The following ARHGEF10 variants were observed in gnomAD, a reference collection of about 807,000 sequenced individuals.
ARHGEF10 encodes the protein Rho guanine nucleotide exchange factor (GEF) 10.
ARHGEF10 carries 140 observed loss-of-function variants against 147.4 expected under a neutral mutation model. That is an observed-to-expected ratio of 0.95 (90% CI 0.83 to 1.09). The LOEUF (loss-of-function observed/expected upper bound fraction) is 1.09. Among genes scored for constraint, ARHGEF10 ranks in the 50% least tolerant of loss-of-function variants. The pLI is 0.00. For missense variants in ARHGEF10, 2,222 were observed against 1,752.7 expected (o/e 1.27, Z -4.78); for synonymous variants, 902 against 695.8 (o/e 1.30, Z -4.67).
intron 26 of ARHGEF10, among the ~76,000 whole-genome samples, chr8:1,944,861 G>T (rs1336224793): frequency 1.3e-5 from 2 of 152,250 alleles, no homozygotes; most frequent in South Asian, 2.1e-4. Flanking sequence ...ATGTTGGGGG[G>T]TCGCTGTGTT....
At chr8:1,928,082 A>AT (rs1812821526) in intron 23 of ARHGEF10, among the ~76,000 whole-genome samples, 1 of 152,228 alleles carries the variant, frequency 6.6e-6, no homozygotes, top group South Asian at 2.1e-4. Flanking sequence ...GTGTTAAGTT[A>AT]TTAAAATTGA....
chr8:1,913,045 A>G (rs896073528), intron 18 of ARHGEF10, among the ~76,000 whole-genome samples: 2 of 152,056 alleles, frequency 1.3e-5, no homozygotes, highest in African/African-American at 2.4e-5. Context: ...GGGTTTCTTC[A>G]TGCAGGATCT....
chr8:1,859,754 A>G (rs1237515020), intron 3 of ARHGEF10, 143 bp from the exon 4 acceptor site: 5 of 996,418 alleles, frequency 5.0e-6, no homozygotes, highest in Non-Finnish European at 7.7e-6. Flanking sequence ...CTCCGAGGCC[A>G]CCTGATGACC....
In ARHGEF10 at chr8:1,867,016, C is replaced by CT. The variant is rs78899210; in HGVS notation, c.622+430dup. On this transcript the variant is annotated intron_variant, in intron 6 of 28. Coordinates refer to ENST00000349830, the MANE Select transcript of ARHGEF10 (RefSeq NM_014629.4). ...TTGAAGAGGGGGCGGGTGGGCCTCC[C>CT]TTTTTTTTTTTTTTTTGTCCCATAC... is the stretch of plus-strand genomic sequence containing the variant. 6.3e-3 allele frequency among the ~76,000 whole-genome samples: 873 copies of CT among 137,828 alleles called. 5 individuals carry two copies. The highest frequency in any genetic ancestry group is 0.017 in the African/African-American group (649 of 37,678). The allele number at this position is 137,828 out of a possible 152,430, so 90.4% of individuals were successfully genotyped here. A position where few individuals can be genotyped will look rare whatever the true frequency, so the allele number is the denominator to read the frequency against.
intron 2 of ARHGEF10, among the ~76,000 whole-genome samples, chr8:1,857,710 C>G (rs754479640): frequency 2.7e-4 from 22 of 82,104 alleles, no homozygotes; most frequent in Admixed American, 2.3e-3. Flanking sequence ...GAGCTACCAC[C>G]CCCAGCCTCT....
chr8:1,954,237 GC>G (rs1468183067), intron 28 of ARHGEF10, among the ~76,000 whole-genome samples: 1 of 152,054 alleles, frequency 6.6e-6, no homozygotes. Flanking sequence ...GGGATTACAG[GC>G]ACCAGCCACC....
intron 27 of ARHGEF10, among the ~76,000 whole-genome samples, chr8:1,950,004 G>C (rs1459424345): frequency 6.6e-6 from 1 of 152,174 alleles, no homozygotes; most frequent in African/African-American, 2.4e-5. Flanking sequence ...TCCAGGGCGG[G>C]AGATGCGTCT....
At chr8:1,856,206 G>A (rs1286101309) in intron 2 of ARHGEF10, among the ~76,000 whole-genome samples, 2 of 152,234 alleles carry the variant, frequency 1.3e-5, no homozygotes, top group Non-Finnish European at 1.5e-5. Context: ...TCAGACGTAT[G>A]TTTTAAAAAT....
At chr8:1,890,406 G>GA (rs1170586833) in intron 11 of ARHGEF10, among the ~76,000 whole-genome samples, 3 of 149,862 alleles carry the variant, frequency 2.0e-5, no homozygotes, top group African/African-American at 5.0e-5. Flanking sequence ...ATTGGGTGAG[G>GA]GTTGTGAGAA....
intron 18 of ARHGEF10, among the ~76,000 whole-genome samples, chr8:1,921,755 A>G (rs1003164050): frequency 1.3e-5 from 2 of 152,144 alleles, no homozygotes; most frequent in African/African-American, 2.4e-5. Flanking sequence ...GAAAAAAGAA[A>G]AAACAGAATT....
chr8:1,929,833 C>G (rs960728341), intron 25 of ARHGEF10, among the ~76,000 whole-genome samples: 1 of 151,836 alleles, frequency 6.6e-6, no homozygotes, highest in Non-Finnish European at 1.5e-5. Context: ...GGTGCTGTGC[C>G]CTCGGTCCCG....
At chr8:1,899,880 T>G (rs1810315123) in intron 15 of ARHGEF10, among the ~76,000 whole-genome samples, 1 of 152,180 alleles carries the variant, frequency 6.6e-6, no homozygotes, top group Non-Finnish European at 1.5e-5. Context: ...AGGCCGCCTG[T>G]TAGACATTAG....
At chr8:1,930,458 G>T (rs371516402) in intron 25 of ARHGEF10, among the ~76,000 whole-genome samples, 1 of 152,126 alleles carries the variant, frequency 6.6e-6, no homozygotes, top group Non-Finnish European at 1.5e-5. Flanking sequence ...ATTTGTTATT[G>T]AGCTTTTTAA....
intron 16 of ARHGEF10, 29 bp downstream of exon 16, chr8:1,903,480 C>G: frequency 6.2e-7 from 1 of 1,612,718 alleles, no homozygotes; most frequent in Non-Finnish European, 8.5e-7. Context: ...CAACTCTATT[C>G]CAAAATTATT....
chr8:1,944,832 C>G (rs1242996911), intron 26 of ARHGEF10, among the ~76,000 whole-genome samples: 2 of 152,216 alleles, frequency 1.3e-5, no homozygotes, highest in African/African-American at 4.8e-5. Flanking sequence ...AGCCTGAACT[C>G]CAGGCAGCCC....
chr8:1,915,507 C>T (rs1021225269), intron 18 of ARHGEF10, among the ~76,000 whole-genome samples: 4 of 152,202 alleles, frequency 2.6e-5, no homozygotes, highest in African/African-American at 9.6e-5. Context: ...GGGGAGGAAA[C>T]GGGGGCAGCA....
rs140455447 is a variant in ARHGEF10, at chr8:1,877,527, C to G, written c.843+793C>G. ...GCAGGTGTGAACCACCACACCCAGC[C>G]GGATGATCCTTTCTTACAGGGAATT... On this transcript the variant is annotated intron_variant, in intron 8 of 28. Transcript: ENST00000349830. Among the ~76,000 whole-genome samples, 7 of 152,280 alleles carry G rather than the reference C, an allele frequency of 4.6e-5. No homozygotes were observed. The East Asian group carries it at 1.2e-3, about 25-fold the overall frequency.
intron 7 of ARHGEF10, chr8:1,869,607 CAAAG>C: frequency 2.7e-6 from 1 of 376,176 alleles, no homozygotes; most frequent in East Asian, 5.8e-5. Context: ...AGGTAATAGT[CAAAG>C]AAATAACTAA....
At chr8:1,890,529 C>G (rs1247261095) in intron 11 of ARHGEF10, among the ~76,000 whole-genome samples, 2 of 128,660 alleles carry the variant, frequency 1.6e-5, no homozygotes, top group East Asian at 4.9e-4. Context: ...AGACGGGTCT[C>G]TGAGGAGACA....
Sources: gnomAD v4.1 joint callset for allele counts (sites outside exome capture counted in the v4.1 genomes callset) on GRCh38, gnomAD v4.1.1 for gene constraint, MANE v1.5 for transcripts, NCBI Gene and HGNC (gene_info 2026-07-23, HGNC 2026-07-21) for gene names.